The following TEX261 variants were observed in gnomAD, a reference collection of about 807,000 sequenced individuals.
TEX261 encodes the protein testis expressed 261, also known as protein TEX261.
In TEX261, 13 loss-of-function variants were observed where a neutral mutation model predicts 25.1. The observed-to-expected ratio is 0.52, with a 90% confidence interval of 0.34 to 0.82. TEX261 has a LOEUF of 0.82. Among genes scored for constraint, TEX261 ranks in the 40% least tolerant of loss-of-function variants. TEX261 has a pLI of 0.02. For synonymous variants in TEX261, 92 were observed against 97.8 expected (o/e 0.94, Z 0.35); for missense variants, 206 against 243.2 (o/e 0.85, Z 1.02).
At chr2:70,991,119 G>A (rs116092049) in intron 3 of TEX261, among the ~76,000 whole-genome samples, 2,492 of 152,284 alleles carry the variant, frequency 0.016, 32 homozygotes, top group Non-Finnish European at 0.022. Context: ...AATACTTTCC[G>A]AAGCCTTTTC....
At chr2:70,994,458 C>T (rs1270664240) in intron 1 of TEX261, 20 of 589,438 alleles carry the variant, frequency 3.4e-5, no homozygotes, top group Non-Finnish European at 4.3e-5. Flanking sequence ...GTCACCCTTT[C>T]TCGGGCAGTG....
In TEX261 at chr2:70,991,724, G is replaced by T. The variant is rs559952399; in HGVS notation, c.304+106C>A. 9 of 1,370,728 alleles carry T rather than the reference G, an allele frequency of 6.6e-6. No homozygotes were observed. The African/African-American group carries it at 1.2e-4, about 18-fold the overall frequency. 84.9% of individuals were successfully genotyped at this position (1,370,728 alleles called of 1,614,324 possible). On this transcript the variant is annotated intron_variant, in intron 3 of 5. Transcript: ENST00000272438. The stretch of plus-strand genomic sequence containing the variant: ...TTCCCAACTAGCCTGGCTTCCTGGA[G>T]GACTTCAACAGCTGGCTTCCTTTTT...
intron 2 of TEX261, among the ~76,000 whole-genome samples, chr2:70,993,186 G>C (rs1222417149): frequency 2.0e-5 from 3 of 152,218 alleles, no homozygotes; most frequent in Admixed American, 6.5e-5. Flanking sequence ...CACCCCTATG[G>C]CTTTGATATC....
intron 1 of TEX261, 109 bp downstream of exon 1, chr2:70,994,579 G>C: frequency 1.4e-6 from 2 of 1,471,650 alleles, no homozygotes; most frequent in Non-Finnish European, 1.8e-6. Context: ...AAGGCCGGGA[G>C]CGCCGGGCAG....
chr2:70,989,896 G>T (rs1670269937), intron 3 of TEX261, 80 bp from the exon 4 acceptor site: 1 of 1,054,324 alleles, frequency 9.5e-7, no homozygotes, highest in Non-Finnish European at 1.5e-6. Context: ...GCCCTCAGAA[G>T]TTGGGAGCCT....
At chr2:70,989,515 G>A in intron 4 of TEX261, 1 of 525,852 alleles carries the variant, frequency 1.9e-6, no homozygotes, top group South Asian at 2.2e-5. Flanking sequence ...CCCTCGAGGG[G>A]GACCCAAAGG....
rs1572940953 is a variant in TEX261, at chr2:70,989,240, G to T, written c.373-223C>A. The T allele has an allele frequency of 8.5e-6, 5 of 586,408 alleles. No individual in the cohort carries two copies. The East Asian group carries it at 1.4e-4, about 17-fold the overall frequency. 36.3% of individuals were successfully genotyped at this position (586,408 alleles called of 1,614,324 possible). A position where few individuals can be genotyped will look rare whatever the true frequency, so the allele number is the denominator to read the frequency against. On this transcript the variant is annotated intron_variant, in intron 4 of 5. Transcript: ENST00000272438. Reference sequence around the variant, plus strand: ...AATGTGGCCACAAACCCCATATCTTGGTCGCTAGGACAAGCAACTCCCCTG... The same window carrying T: ...AATGTGGCCACAAACCCCATATCTTTGTCGCTAGGACAAGCAACTCCCCTG...
In TEX261 at chr2:70,988,478, T is replaced by C. The variant is rs535599172; in HGVS notation, c.*122A>G. Reference sequence around the variant, plus strand: ...GGAGGGTGGGGATGGGGCTCCAGAGTTGAGGGGAAGAAAGCCAGGGCAGGT... The same window carrying C: ...GGAGGGTGGGGATGGGGCTCCAGAGCTGAGGGGAAGAAAGCCAGGGCAGGT... On this transcript the variant is annotated 3_prime_UTR_variant, in exon 6 of 6. Coordinates refer to ENST00000272438, the MANE Select transcript of TEX261 (RefSeq NM_144582.3). 2.9e-4 allele frequency: 214 copies of C among 734,606 alleles called. 2 individuals carry two copies. The East Asian group carries it at 4.1e-3, about 14-fold the overall frequency. The allele number at this position is 734,606 out of a possible 1,614,324, so 45.5% of individuals were successfully genotyped here.
At position 70,989,833 on chromosome 2, in the gene TEX261, G is replaced by A. The variant is rs781981092; in HGVS notation, c.305-17C>T. 2 of 1,595,748 alleles carry A rather than the reference G, an allele frequency of 1.3e-6. No homozygotes were observed. Among genetic ancestry groups the A allele is most frequent in the Middle Eastern group, 1.7e-4 (1 of 6,030 alleles). On this transcript the variant is annotated splice_polypyrimidine_tract_variant and intron_variant, in intron 3 of 5. Transcript: ENST00000272438. ...CCACTAGTCCTGTTGAGGGAATGAA[G>A]AGTCAGTCAGTTTAAGGGGAATAAC...
At chr2:70,994,194 T>C (rs1326198280) in intron 1 of TEX261, among the ~76,000 whole-genome samples, 2 of 152,154 alleles carry the variant, frequency 1.3e-5, no homozygotes, top group Non-Finnish European at 2.9e-5. Flanking sequence ...GTGTGAGAAA[T>C]GCTACTTTAG....
At chr2:70,993,497 C>G (rs1296458654) in intron 2 of TEX261, among the ~76,000 whole-genome samples, 199 bp downstream of exon 2, 1 of 152,188 alleles carries the variant, frequency 6.6e-6, no homozygotes, top group African/African-American at 2.4e-5. Context: ...AACAATGCCA[C>G]TTGGGGAAGG....
Position 70,987,322 on chromosome 2 carries a change from G to A in TEX261, c.*1278C>T, listed in dbSNP as rs1670210272. 6.6e-6 allele frequency: 1 copy of A among 152,342 alleles called. No homozygotes were observed. Among genetic ancestry groups the A allele is most frequent in the Admixed American group, 6.5e-5 (1 of 15,286 alleles). The allele number at this position is 152,342 out of a possible 1,614,324, so 9.4% of individuals were successfully genotyped here. A position where few individuals can be genotyped will look rare whatever the true frequency, so the allele number is the denominator to read the frequency against. On this transcript the variant is annotated 3_prime_UTR_variant, in exon 6 of 6. Coordinates refer to ENST00000272438, the MANE Select transcript of TEX261 (RefSeq NM_144582.3). ...AGGTAAATGCTAAAGCCAAGGAAAT[G>A]AAGGGCTATGATGGAACTCCAGGCA...
intron 1 of TEX261, among the ~76,000 whole-genome samples, chr2:70,994,217 G>A (rs1011425008): frequency 2.0e-4 from 31 of 152,202 alleles, no homozygotes; most frequent in African/African-American, 6.8e-4. Context: ...AAAGGACAGG[G>A]CACTGCTGGA....
In TEX261 at chr2:70,994,554, G is replaced by A. The variant is rs1002782642; in HGVS notation, c.70+134C>T. The A allele has an allele frequency of 6.9e-6, 9 of 1,305,558 alleles. No homozygotes were observed. The South Asian group carries it at 9.6e-5, about 14-fold the overall frequency. The allele number at this position is 1,305,558 out of a possible 1,614,324, so 80.9% of individuals were successfully genotyped here. A position where few individuals can be genotyped will look rare whatever the true frequency, so the allele number is the denominator to read the frequency against. ...CAGGAGGGGCAGGATCAGGCGGGAA[G>A]GGGTTGGGGCGGCGAAGGCCGGGAG... is the stretch of plus-strand genomic sequence containing the variant. On this transcript the variant is annotated intron_variant, in intron 1 of 5. Coordinates refer to ENST00000272438, the MANE Select transcript of TEX261 (RefSeq NM_144582.3).
At position 70,994,783 on chromosome 2, in the gene TEX261, G is replaced by A; in HGVS notation, c.-26C>T. ...GGCGCCCCCACCCGCCCGCTCCCCGGCCACCGGGACGGGCCTGCGCGCTTC... is the reference window on the plus strand; with the variant it reads ...GGCGCCCCCACCCGCCCGCTCCCCGACCACCGGGACGGGCCTGCGCGCTTC... On this transcript the variant is annotated 5_prime_UTR_variant, in exon 1 of 6. Coordinates refer to ENST00000272438, the MANE Select transcript of TEX261 (RefSeq NM_144582.3). 6.4e-7 allele frequency: 1 copy of A among 1,569,758 alleles called. No homozygotes were observed. The highest frequency in any genetic ancestry group is 8.6e-7 in the Non-Finnish European group (1 of 1,160,742).
At chr2:70,989,515 G>T in intron 4 of TEX261, 1 of 525,852 alleles carries the variant, frequency 1.9e-6, no homozygotes, top group South Asian at 2.2e-5. Flanking sequence ...CCCTCGAGGG[G>T]GACCCAAAGG....
chr2:70,990,478 T>C (rs1670281867), intron 3 of TEX261, among the ~76,000 whole-genome samples: 1 of 152,030 alleles, frequency 6.6e-6, no homozygotes, highest in Non-Finnish European at 1.5e-5. Context: ...ACTGAGTTTA[T>C]AAAAGAGGGC....
rs1670346551 is a variant in TEX261, at chr2:70,993,613, A to G, written c.150+83T>C. ...AAACAGCAGAGACACAGGCCTCATC[A>G]TCCATGCCAAACTCTCCCCACTTCC... On this transcript the variant is annotated intron_variant, in intron 2 of 5. Coordinates refer to ENST00000272438, the MANE Select transcript of TEX261 (RefSeq NM_144582.3). The G allele has an allele frequency of 3.6e-6, 4 of 1,117,272 alleles. No homozygotes were observed. The Admixed American group carries it at 6.8e-5, about 19-fold the overall frequency. The allele number at this position is 1,117,272 out of a possible 1,614,324, so 69.2% of individuals were successfully genotyped here. A position where few individuals can be genotyped will look rare whatever the true frequency, so the allele number is the denominator to read the frequency against.
At chr2:70,989,714 CCT>C in intron 4 of TEX261, 33 bp downstream of exon 4, 1 of 1,452,082 alleles carries the variant, frequency 6.9e-7, no homozygotes, top group African/African-American at 1.4e-5. Flanking sequence ...CTACCCTGTC[CCT>C]GTTAACAGCT....
Sources: gnomAD v4.1 joint callset for allele counts (sites outside exome capture counted in the v4.1 genomes callset) on GRCh38, gnomAD v4.1.1 for gene constraint, MANE v1.5 for transcripts, NCBI Gene and HGNC (gene_info 2026-07-23, HGNC 2026-07-21) for gene names.